UMAD1: variants seen among roughly 807,000 people sequenced by gnomAD.
The protein encoded by UMAD1 is UBAP1-MVB12-associated (UMA)-domain containing protein 1.
In UMAD1, 8 loss-of-function variants were observed where a neutral mutation model predicts 6.1. The ratio of observed to expected loss-of-function variants is 1.30; its 90% CI spans 0.76 to 2.35. UMAD1 has a LOEUF of 2.35. Among genes scored for constraint, UMAD1 ranks in the 30% most tolerant of loss-of-function variants. The pLI is 0.00. For synonymous variants in UMAD1, 56 were observed against 31.4 expected, an observed-to-expected ratio of 1.78 and a Z score of -2.61; for missense variants, 130 against 78.4, an observed-to-expected ratio of 1.66 and a Z score of -2.49.
intron 2 of UMAD1, among the ~76,000 whole-genome samples, chr7:7,765,716 T>C (rs370667540): frequency 6.6e-6 from 1 of 152,288 alleles, no homozygotes; most frequent in South Asian, 2.1e-4. Flanking sequence ...ATCATTAATA[T>C]GTTCAGTCAA....
intron 2 of UMAD1, among the ~76,000 whole-genome samples, chr7:7,754,947 A>T (rs1225007562): frequency 2.0e-5 from 3 of 152,200 alleles, no homozygotes; most frequent in Non-Finnish European, 4.4e-5. Flanking sequence ...AGTTATTAGC[A>T]GTATAATATT....
intron 2 of UMAD1, among the ~76,000 whole-genome samples, chr7:7,780,613 C>T (rs1425361123): frequency 6.6e-6 from 1 of 152,192 alleles, no homozygotes; most frequent in Non-Finnish European, 1.5e-5. Flanking sequence ...CTCCTCCCAA[C>T]CCACTCCTTT....
intron 2 of UMAD1, among the ~76,000 whole-genome samples, chr7:7,790,346 C>G (rs1782545474): frequency 6.6e-6 from 1 of 152,212 alleles, no homozygotes; most frequent in South Asian, 2.1e-4. Context: ...TTCCCTGCTA[C>G]TAATAGCACC....
chr7:7,836,041 A>T lies in UMAD1; in HGVS notation c.156+34298A>T, dbSNP rs188844437. ...AAATTTAATCATCCACGGTCTTGCTATTTTATGGTCTTTATTAATATAGTC... is the reference window on the plus strand; with the variant it reads ...AAATTTAATCATCCACGGTCTTGCTTTTTTATGGTCTTTATTAATATAGTC... On this transcript the variant is annotated intron_variant, in intron 3 of 3. Coordinates refer to ENST00000682710, the MANE Select transcript of UMAD1 (RefSeq NM_001302348.2). Among the ~76,000 whole-genome samples the T allele has an allele frequency of 5.0e-3, 766 of 152,112 alleles. 6 individuals carry two copies. Among genetic ancestry groups the T allele is most frequent in the African/African-American group, 0.017 (711 of 41,554 alleles).
intron 2 of UMAD1, chr7:7,742,103 T>C (rs1472823921): frequency 2.2e-5 from 13 of 587,342 alleles, no homozygotes; most frequent in Non-Finnish European, 3.6e-5. Context: ...ATGATGAAAG[T>C]TTGGCAACAT....
intron 2 of UMAD1, among the ~76,000 whole-genome samples, chr7:7,697,528 G>T (rs1340784194): frequency 6.6e-6 from 1 of 152,174 alleles, no homozygotes; most frequent in African/African-American, 2.4e-5. Context: ...TTTTGTGGCA[G>T]TCCTGCTCAA....
chr7:7,861,233 A>G (rs1316739756), intron 3 of UMAD1, among the ~76,000 whole-genome samples: 1 of 152,188 alleles, frequency 6.6e-6, no homozygotes. Flanking sequence ...AATGGTTAAG[A>G]TGGTAAATTT....
rs188844437 is a variant in UMAD1, at chr7:7,836,041, A to C, written c.156+34298A>C. Among the ~76,000 whole-genome samples, 16 of 152,114 alleles carry C rather than the reference A, an allele frequency of 1.1e-4. 1 individual carries two copies. Among genetic ancestry groups the C allele is most frequent in the African/African-American group, 3.6e-4 (15 of 41,556 alleles). On this transcript the variant is annotated intron_variant, in intron 3 of 3. Transcript: ENST00000682710. ...AAATTTAATCATCCACGGTCTTGCT[A>C]TTTTATGGTCTTTATTAATATAGTC...
chr7:7,845,910 C>T (rs1783774237), intron 3 of UMAD1, among the ~76,000 whole-genome samples: 2 of 152,200 alleles, frequency 1.3e-5, no homozygotes, highest in South Asian at 4.1e-4. Flanking sequence ...ATAAGGCCTC[C>T]AGGCTATGTA....
chr7:7,678,754 ATATT>A (rs1779829050), intron 2 of UMAD1, among the ~76,000 whole-genome samples: 3 of 125,414 alleles, frequency 2.4e-5, no homozygotes, highest in African/African-American at 6.3e-5. Context: ...TTATAAATAT[ATATT>A]TATATATTTA....
At chr7:7,725,230 C>T (rs1468221577) in intron 2 of UMAD1, among the ~76,000 whole-genome samples, 1 of 152,200 alleles carries the variant, frequency 6.6e-6, no homozygotes, top group Non-Finnish European at 1.5e-5. Context: ...GCAGCACATT[C>T]CTCATTTGGG....
intron 2 of UMAD1, among the ~76,000 whole-genome samples, chr7:7,728,656 A>C (rs902419857): frequency 9.2e-5 from 14 of 152,024 alleles, no homozygotes; most frequent in African/African-American, 3.1e-4. Context: ...GAAAAAAAAA[A>C]AAAACACCTA....
chr7:7,733,864 G>A (rs1354627986), intron 2 of UMAD1, among the ~76,000 whole-genome samples: 1 of 151,686 alleles, frequency 6.6e-6, no homozygotes, highest in East Asian at 1.9e-4. Context: ...ATAGACTTCT[G>A]TCACACATAA....
chr7:7,834,016 C>CTTTTTTTTTTTTTT (rs4034895), intron 3 of UMAD1, among the ~76,000 whole-genome samples: 18 of 110,476 alleles, frequency 1.6e-4, no homozygotes, highest in Non-Finnish European at 2.4e-4. Flanking sequence ...TTTTTCTTTT[C>CTTTTTTTTTTTTTT]TTTTTTTTTT....
chr7:7,836,667 A>AGCC (rs1220798363), intron 3 of UMAD1, among the ~76,000 whole-genome samples: 3 of 152,012 alleles, frequency 2.0e-5, no homozygotes, highest in Non-Finnish European at 2.9e-5. Flanking sequence ...GAGAATTAAA[A>AGCC]ATTAAGTGTA....
chr7:7,854,410 C>T (rs528979496), intron 3 of UMAD1, among the ~76,000 whole-genome samples: 10 of 149,290 alleles, frequency 6.7e-5, no homozygotes, highest in African/African-American at 2.0e-4. Flanking sequence ...CACAGTTCCA[C>T]GTAGCTGAGG....
At chr7:7,660,210 G>A (rs1785439644) in intron 1 of UMAD1, among the ~76,000 whole-genome samples, 1 of 152,036 alleles carries the variant, frequency 6.6e-6, no homozygotes, top group African/African-American at 2.4e-5. Context: ...ACATGAGATG[G>A]GTCTCCTGAA....
At chr7:7,685,652 G>A (rs1219649214) in intron 2 of UMAD1, among the ~76,000 whole-genome samples, 1 of 151,988 alleles carries the variant, frequency 6.6e-6, no homozygotes, top group African/African-American at 2.4e-5. Flanking sequence ...TTTAAGTGTT[G>A]GCCCACTTGG....
intron 3 of UMAD1, among the ~76,000 whole-genome samples, chr7:7,867,513 A>G (rs1243132673): frequency 3.3e-5 from 5 of 152,244 alleles, no homozygotes; most frequent in African/African-American, 1.2e-4. Flanking sequence ...GCCAAGAACT[A>G]AAAATTCAGA....
Sources: allele counts gnomAD v4.1 joint callset (sites outside exome capture counted in the v4.1 genomes callset), GRCh38; gene constraint gnomAD v4.1.1; transcripts MANE v1.5; gene names NCBI Gene and HGNC (gene_info 2026-07-23, HGNC 2026-07-21).